The following KCNH2 variants were observed in gnomAD, a reference collection of about 807,000 sequenced individuals.
The protein encoded by KCNH2 is potassium voltage-gated channel subfamily H member 2, also known as voltage-gated inwardly rectifying potassium channel KCNH2.
A neutral mutation model predicts 95.9 loss-of-function variants in KCNH2; 35 were observed. That is an observed-to-expected ratio of 0.37 (90% CI 0.28 to 0.48). The LOEUF (loss-of-function observed/expected upper bound fraction) is 0.48. Among genes scored for constraint, KCNH2 ranks in the 20% least tolerant of loss-of-function variants. KCNH2 has a pLI of 0.99. For synonymous variants in KCNH2, 786 were observed against 754.7 expected, an observed-to-expected ratio of 1.04 and a Z score of -0.68; for missense variants, 1,274 against 1,702.9, an observed-to-expected ratio of 0.75 and a Z score of 4.43.
chr7:150,952,278 C>A lies in KCNH2; in HGVS notation c.1557+147G>T. On this transcript the variant is annotated intron_variant, in intron 6 of 14. Transcript: ENST00000262186. This position sits in a 1 kb window ranked among gnomAD's most constrained non-coding sequence, Gnocchi z 7.3. ...CACCTTGCCTCTGCAGCTGCCTTGC[C>A]ACCATGTCTCTCTCCCACTGTCTTT... The A allele has an allele frequency of 1.1e-6, 1 of 937,024 alleles. No homozygotes were observed. The highest frequency in any genetic ancestry group is 1.7e-6 in the Non-Finnish European group (1 of 605,962). The allele number at this position is 937,024 out of a possible 1,614,324, so 58.0% of individuals were successfully genotyped here.
At chr7:150,950,081 G>T (rs775974046) in intron 9 of KCNH2, 87 bp downstream of exon 9, 2 of 1,613,168 alleles carry the variant, frequency 1.2e-6, no homozygotes, top group East Asian at 4.5e-5. Flanking sequence ...CAGGTCCACA[G>T]CCCCAGTGAC....
In KCNH2 at chr7:150,947,845, CCCAA is replaced by C. The variant is rs1261320653; in HGVS notation, c.2722_2725del (p.Leu908GlyfsTer65). 1 of 1,527,494 alleles carries C rather than the reference CCCAA, an allele frequency of 6.5e-7. No individual in the cohort carries two copies. The highest frequency in any genetic ancestry group is 8.7e-7 in the Non-Finnish European group (1 of 1,143,070). 94.6% of individuals were successfully genotyped at this position (1,527,494 alleles called of 1,614,324 possible). ...CGGCCCTGCCCCCGCCCGGCCCGGC[CCCAA>C]GGCCGACACCTCCCCTGGCTGCTCC... On this transcript the variant is annotated frameshift_variant, in exon 12 of 15. Transcript: ENST00000262186. LOFTEE classifies it high-confidence loss of function.
chr7:150,959,882 TC>T, intron 2 of KCNH2, 146 bp from the exon 3 acceptor site: 2 of 908,856 alleles, frequency 2.2e-6, no homozygotes, highest in Non-Finnish European at 3.5e-6. Context: ...CCCGTCCTGA[TC>T]CCCCACCCGG....
At position 150,959,547 on chromosome 7, in the gene KCNH2, C is replaced by T; in HGVS notation, c.472+25G>A. 3 of 1,613,092 alleles carry T rather than the reference C, an allele frequency of 1.9e-6. No homozygotes were observed. In the South Asian group the frequency reaches 3.3e-5, roughly 18 times the overall value. On this transcript the variant is annotated intron_variant, in intron 3 of 14. Transcript: ENST00000262186. ...AGAAATGAGACCACGAACCCCTGAG[C>T]CTGCCCTAAAGCAAGTACACTTACC...
chr7:150,959,480 C>T, intron 3 of KCNH2, 92 bp downstream of exon 3: 1 of 1,468,054 alleles, frequency 6.8e-7, no homozygotes, highest in Non-Finnish European at 9.4e-7. Flanking sequence ...TTACATCCTC[C>T]CTTCCTGCAG....
chr7:150,951,408 C>A, intron 7 of KCNH2, 40 bp downstream of exon 7: 1 of 1,611,708 alleles, frequency 6.2e-7, no homozygotes, highest in Non-Finnish European at 8.5e-7. Context: ...GGTTCCTCCA[C>A]CGTGGGCTCT....
rs1801570642 is a variant in KCNH2 at position 150,961,679 on chromosome 7, G to T, written c.308-1943C>A. 6.6e-6 allele frequency among the ~76,000 whole-genome samples: 1 copy of T among 152,146 alleles called. No individual in the cohort carries two copies. Among genetic ancestry groups the T allele is most frequent in the South Asian group, 2.1e-4 (1 of 4,826 alleles). On this transcript the variant is annotated intron_variant, in intron 2 of 14. Coordinates refer to ENST00000262186, the MANE Select transcript of KCNH2 (RefSeq NM_000238.4). The surrounding 1 kb of genome is among the most constrained non-coding windows in gnomAD (Gnocchi z 6.2). ...TCAAACCCACAGCAGGGGCGACAGT[G>T]GTGGTGCTGTGAGTCAAGGTAGAAG...
chr7:150,957,594 A>T, intron 4 of KCNH2, 92 bp from the exon 5 acceptor site: 2 of 926,540 alleles, frequency 2.2e-6, no homozygotes, highest in Non-Finnish European at 3.5e-6. Flanking sequence ...CAGGCCCTGC[A>T]CAGTCAGGAG....
chr7:150,959,511 C>A (rs958016103), intron 3 of KCNH2, 61 bp downstream of exon 3: 8 of 1,592,534 alleles, frequency 5.0e-6, no homozygotes, highest in Non-Finnish European at 6.9e-6. Context: ...TTGGACAGCT[C>A]ACAGCCCCAA....
At chr7:150,957,753 G>C (rs1003534540) in intron 4 of KCNH2, among the ~76,000 whole-genome samples, 2 of 152,226 alleles carry the variant, frequency 1.3e-5, no homozygotes, top group African/African-American at 2.4e-5. Context: ...GGCAGGCAGG[G>C]GGCCAGGTGG....
At chr7:150,955,525 C>A in intron 5 of KCNH2, 1 of 1,534,986 alleles carries the variant, frequency 6.5e-7, no homozygotes, top group Admixed American at 2.0e-5. Flanking sequence ...CTCCCTGCAG[C>A]CTGCCTGCCC....
In KCNH2 at chr7:150,945,469, C is replaced by G. The variant is rs1452175986; in HGVS notation, c.3376G>C (p.Glu1126Gln). 1 of 1,558,342 alleles carries G rather than the reference C, an allele frequency of 6.4e-7. No homozygotes were observed. The highest frequency in any genetic ancestry group is 8.7e-7 in the Non-Finnish European group (1 of 1,151,744). The change falls in exon 15 of 15, where the codon GAG becomes CAG. Residue 1126 changes from glutamate to glutamine, a missense_variant. Around this residue, in one of 7 missense-constraint regions of KCNH2, gnomAD observed 457 missense variants for 416.1 expected, o/e 1.10. Transcript: ENST00000262186. The surrounding 1 kb of genome is among the most constrained non-coding windows in gnomAD (Gnocchi z 5.6). ...CGTGTGGGGCCTTCTTGGGGAAGCT[C>G]TGGGGCCCCCGGGGGCAGCTCCTCA... ...ACEELPPGAP[E>Q]LPQEGPTRRL... is the part of the protein sequence containing the mutation.
intron 2 of KCNH2, among the ~76,000 whole-genome samples, chr7:150,974,483 T>C (rs983733287): frequency 1.3e-5 from 2 of 152,086 alleles, no homozygotes; most frequent in African/African-American, 2.4e-5. Flanking sequence ...TCCTTTGCCC[T>C]CCTGAAAACC....
intron 6 of KCNH2, among the ~76,000 whole-genome samples, 154 bp from the exon 7 acceptor site, chr7:150,951,989 G>T (rs1801192032): frequency 6.6e-6 from 1 of 152,192 alleles, no homozygotes; most frequent in African/African-American, 2.4e-5. Flanking sequence ...ACTGGGCCCA[G>T]CACAGGTGTC....
At position 150,958,111 on chromosome 7, in the gene KCNH2, G is replaced by A. The variant is rs915031143; in HGVS notation, c.864C>T (p.Ile288=). The change falls in exon 4 of 15, where the codon ATC becomes ATT. Residue 288 remains isoleucine, a synonymous_variant. Transcript: ENST00000262186. The stretch of plus-strand genomic sequence containing the variant: ...GCAGCACCCCGGCGCGCATGGCCTC[G>A]ATGTCGTCGGCCGACGAGGCGCGGC... ...SVRRASSADD[I]EAMRAGVLPP... 37 of 1,299,270 alleles carry A rather than the reference G, an allele frequency of 2.8e-5. No homozygotes were observed. The highest frequency in any genetic ancestry group is 5.8e-4 in the Middle Eastern group (2 of 3,456). 80.5% of individuals were successfully genotyped at this position (1,299,270 alleles called of 1,614,324 possible). A position where few individuals can be genotyped will look rare whatever the true frequency, so the allele number is the denominator to read the frequency against.
rs1422790189 is a variant in KCNH2 at position 150,951,566 on chromosome 7, G to A, written c.1827C>T (p.Asp609=). The A allele has an allele frequency of 6.2e-7, 1 of 1,614,120 alleles. No individual in the cohort carries two copies. The highest frequency in any genetic ancestry group is 8.5e-7 in the Non-Finnish European group (1 of 1,180,048). Residue 609 remains aspartate, a synonymous_variant, in exon 7 of 15, where the codon GAC becomes GAT. Transcript: ENST00000262186. The part of the protein sequence containing the change: ...SSGLGGPSIK[D]KYVTALYFTF... The stretch of plus-strand genomic sequence containing the variant: ...TGAAGTAGAGCGCCGTCACATACTT[G>A]TCCTTGATGGAGGGGCCGCCCAGGC...
At chr7:150,963,607 A>ACC (rs1324204365) in intron 2 of KCNH2, among the ~76,000 whole-genome samples, 2 of 12,676 alleles carry the variant, frequency 1.6e-4, no homozygotes, top group African/African-American at 6.6e-4. Context: ...CCCCACTCCC[A>ACC]CCCCAGCCTC....
At chr7:150,963,194 C>T (rs1225961700) in intron 2 of KCNH2, among the ~76,000 whole-genome samples, 6 of 152,326 alleles carry the variant, frequency 3.9e-5, no homozygotes, top group South Asian at 2.1e-4. Context: ...CAGCACTGGG[C>T]GCACTCAGGG....
At chr7:150,948,657 G>A in intron 10 of KCNH2, 114 bp from the exon 11 acceptor site, 2 of 1,164,474 alleles carry the variant, frequency 1.7e-6, no homozygotes, top group Non-Finnish European at 2.5e-6. Context: ...CCAGCTCTGG[G>A]AAAACCCTTC....
Sources: allele counts gnomAD v4.1 joint callset (sites outside exome capture counted in the v4.1 genomes callset), GRCh38; gene constraint gnomAD v4.1.1; regional missense constraint gnomAD v4.1.1; non-coding constraint Gnocchi (gnomAD v3.1); transcripts MANE v1.5; gene names NCBI Gene and HGNC (gene_info 2026-07-23, HGNC 2026-07-21).